Variants in VAV3 observed in about 807,000 individuals in gnomAD.
The protein encoded by VAV3 is guanine nucleotide exchange factor VAV3.
In VAV3, 94 loss-of-function variants were observed where a neutral mutation model predicts 131.2. The observed-to-expected ratio is 0.72, with a 90% CI of 0.61 to 0.85. The LOEUF is 0.85. Ranked by LOEUF, VAV3 falls within the 40% of genes least tolerant of loss-of-function variation. The pLI, the probability that VAV3 is intolerant of heterozygous loss-of-function variation, is 0.00. For synonymous variants in VAV3, 349 were observed against 342.0 expected, an observed-to-expected ratio of 1.02 and a Z score of -0.22; for missense variants, 939 against 1,002.7, an observed-to-expected ratio of 0.94 and a Z score of 0.86.
At chr1:107,831,757 G>C (rs545188979) in intron 2 of VAV3, among the ~76,000 whole-genome samples, 3 of 152,306 alleles carry the variant, frequency 2.0e-5, no homozygotes, top group Admixed American at 6.5e-5. Flanking sequence ...CCAGCATCAT[G>C]CTAGTATATA....
chr1:107,659,144 A>T (rs1656813799), intron 19 of VAV3, among the ~76,000 whole-genome samples: 1 of 152,020 alleles, frequency 6.6e-6, no homozygotes. Context: ...TAAGGAAGGG[A>T]TCCAGTTTCA....
intron 19 of VAV3, among the ~76,000 whole-genome samples, chr1:107,658,766 G>C (rs553757406): frequency 1.4e-3 from 212 of 152,178 alleles, no homozygotes; most frequent in African/African-American, 4.1e-3. Flanking sequence ...AGTGTCTGTT[G>C]ATATCCTTCA....
rs1265191471 is a variant in VAV3 at position 107,779,429 on chromosome 1, C to T, written c.380+5G>A. 1 of 1,584,858 alleles carries T rather than the reference C, an allele frequency of 6.3e-7. No individual in the cohort carries two copies. Among genetic ancestry groups the T allele is most frequent in the Non-Finnish European group, 8.6e-7 (1 of 1,166,122 alleles). ...GGACACATGAACAACGAAAACAGAG[C>T]TTACCTGATTCCTGTGGCCAATGCT... On this transcript the variant is annotated splice_donor_5th_base_variant and intron_variant, in intron 3 of 26. Transcript: ENST00000370056.
intron 2 of VAV3, among the ~76,000 whole-genome samples, chr1:107,820,589 C>T (rs1363764952): frequency 6.6e-6 from 1 of 151,884 alleles, no homozygotes; most frequent in Non-Finnish European, 1.5e-5. Context: ...ATTCATCGTA[C>T]ATTTAAAAAA....
At position 107,844,286 on chromosome 1, in the gene VAV3, C is replaced by T. The variant is rs138930981; in HGVS notation, c.321+30615G>A. On this transcript the variant is annotated intron_variant, in intron 2 of 26. Coordinates refer to ENST00000370056, the MANE Select transcript of VAV3 (RefSeq NM_006113.5). ...TGCCACGAGGGACGGTGCTATCCGG[C>T]CCAGATACTATGTTTTTCCCACTAT... Among the ~76,000 whole-genome samples, 34 of 152,240 alleles carry T rather than the reference C, an allele frequency of 2.2e-4. No homozygotes were observed. The East Asian group carries it at 5.8e-3, about 26-fold the overall frequency.
At chr1:107,937,863 A>G (rs908004091) in intron 1 of VAV3, among the ~76,000 whole-genome samples, 2 of 152,224 alleles carry the variant, frequency 1.3e-5, no homozygotes, top group Admixed American at 1.3e-4. Context: ...AATGTAGTAC[A>G]CTAACATGTC....
At chr1:107,953,776 C>A (rs1048546964) in intron 1 of VAV3, among the ~76,000 whole-genome samples, 1 of 151,958 alleles carries the variant, frequency 6.6e-6, no homozygotes, top group African/African-American at 2.4e-5. Flanking sequence ...TTATTCAGAC[C>A]AGCTGTTACA....
chr1:107,933,335 C>T (rs1371897163), intron 1 of VAV3, among the ~76,000 whole-genome samples: 2 of 151,198 alleles, frequency 1.3e-5, no homozygotes, highest in Non-Finnish European at 2.9e-5. Flanking sequence ...ACTATTTGGT[C>T]CTCCTCTACC....
chr1:107,962,456 T>A (rs897162545), intron 1 of VAV3, among the ~76,000 whole-genome samples: 1 of 152,256 alleles, frequency 6.6e-6, no homozygotes, highest in Non-Finnish European at 1.5e-5. Context: ...ATAATTTTGC[T>A]AATAGTAAAC....
intron 19 of VAV3, among the ~76,000 whole-genome samples, chr1:107,670,505 T>G (rs1269341975): frequency 6.6e-6 from 1 of 152,102 alleles, no homozygotes; most frequent in East Asian, 1.9e-4. Flanking sequence ...TTCAGAAATG[T>G]TATTGAAAAA....
chr1:107,714,912 T>C (rs1661004443), intron 15 of VAV3, among the ~76,000 whole-genome samples: 1 of 152,186 alleles, frequency 6.6e-6, no homozygotes, highest in African/African-American at 2.4e-5. Flanking sequence ...TTATTCAAGA[T>C]GGGCTTTATA....
chr1:107,888,547 C>A (rs1671150397), intron 1 of VAV3, among the ~76,000 whole-genome samples: 1 of 152,170 alleles, frequency 6.6e-6, no homozygotes, highest in Admixed American at 6.6e-5. Context: ...CAACCTCCAC[C>A]TCCCAGGTTC....
chr1:107,783,877 T>C (rs573959809), intron 2 of VAV3, among the ~76,000 whole-genome samples: 2 of 141,338 alleles, frequency 1.4e-5, no homozygotes, highest in African/African-American at 2.7e-5. Context: ...TGAAACCCTA[T>C]CTCTACTAAA....
intron 19 of VAV3, among the ~76,000 whole-genome samples, chr1:107,660,021 G>A (rs1656889877): frequency 6.6e-6 from 1 of 152,108 alleles, no homozygotes; most frequent in South Asian, 2.1e-4. Context: ...TGATGTATCA[G>A]GGAAATCTCT....
chr1:107,662,473 A>T (rs926828623), intron 19 of VAV3, among the ~76,000 whole-genome samples: 1 of 152,164 alleles, frequency 6.6e-6, no homozygotes, highest in Non-Finnish European at 1.5e-5. Context: ...TCTCTCTCAC[A>T]CACACACACA....
chr1:107,865,680 C>T (rs1172648497), intron 2 of VAV3, among the ~76,000 whole-genome samples: 1 of 152,120 alleles, frequency 6.6e-6, no homozygotes, highest in Non-Finnish European at 1.5e-5. Context: ...CAGGGATCCA[C>T]TATCAAGTTT....
chr1:107,870,842 A>ATCACTTTACACTG (rs1370877851), intron 2 of VAV3, among the ~76,000 whole-genome samples: 6 of 152,162 alleles, frequency 3.9e-5, no homozygotes. Flanking sequence ...AAGAAAACAT[A>ATCACTTTACACTG]TCACTTTACA....
At chr1:107,665,863 C>A (rs1462632363) in intron 19 of VAV3, among the ~76,000 whole-genome samples, 1 of 152,180 alleles carries the variant, frequency 6.6e-6, no homozygotes, top group Non-Finnish European at 1.5e-5. Flanking sequence ...CTCTTGCCAT[C>A]TCTGCTTTAT....
chr1:107,792,903 C>T (rs562863376), intron 2 of VAV3, among the ~76,000 whole-genome samples: 2 of 152,068 alleles, frequency 1.3e-5, no homozygotes, highest in East Asian at 1.9e-4. Context: ...ATAATTCAAT[C>T]GTACATTATA....
Sources: gnomAD v4.1 joint callset for allele counts (sites outside exome capture counted in the v4.1 genomes callset) on GRCh38, gnomAD v4.1.1 for gene constraint, MANE v1.5 for transcripts, NCBI Gene and HGNC (gene_info 2026-07-23, HGNC 2026-07-21) for gene names.